The following CPA6 variants were observed in gnomAD, a reference collection of about 807,000 sequenced individuals.
CPA6 encodes carboxypeptidase B.
A neutral mutation model predicts 63.3 loss-of-function variants in CPA6; 58 were observed. The ratio of observed to expected loss-of-function variants is 0.92; its 90% CI spans 0.74 to 1.14. CPA6 has a LOEUF of 1.14. Ranked by LOEUF, CPA6 falls within the 50% of genes most tolerant of loss-of-function variation. The pLI, the probability that CPA6 is intolerant of heterozygous loss-of-function variation, is 0.00. For missense variants in CPA6, 565 were observed against 526.6 expected (o/e 1.07, Z -0.71); for synonymous variants, 185 against 179.0 (o/e 1.03, Z -0.27).
intron 1 of CPA6, among the ~76,000 whole-genome samples, chr8:67,708,118 T>C (rs1817176384): frequency 6.6e-6 from 1 of 152,176 alleles, no homozygotes. Context: ...TACAGGTTTT[T>C]GATGGCACAA....
chr8:67,595,791 C>A (rs372859788), intron 2 of CPA6, among the ~76,000 whole-genome samples: 107 of 152,320 alleles, frequency 7.0e-4, no homozygotes, highest in African/African-American at 2.1e-3. Flanking sequence ...TCTGTCACCC[C>A]TTTCCTTGAC....
intron 2 of CPA6, among the ~76,000 whole-genome samples, chr8:67,556,350 C>T (rs1280743514): frequency 6.6e-6 from 1 of 152,142 alleles, no homozygotes; most frequent in Non-Finnish European, 1.5e-5. Context: ...TGTCTCACTG[C>T]CTCCACCTCC....
At chr8:67,688,513 T>C (rs1039778828) in intron 1 of CPA6, among the ~76,000 whole-genome samples, 2 of 152,146 alleles carry the variant, frequency 1.3e-5, no homozygotes, top group African/African-American at 4.8e-5. Flanking sequence ...CCTCACAAAA[T>C]CCTAGCTGCC....
At position 67,430,651 on chromosome 8, in the gene CPA6, C is replaced by T. The variant is rs1008585194; in HGVS notation, c.1042-2520G>A. On this transcript the variant is annotated intron_variant, in intron 9 of 10. Coordinates refer to ENST00000297770, the MANE Select transcript of CPA6 (RefSeq NM_020361.5). ...TTTTAGTGACCAAGCTTATGATTAA[C>T]ACTCTCCAGGATTTCTCAACAATGG... Among the ~76,000 whole-genome samples, 4 of 152,096 alleles carry T rather than the reference C, an allele frequency of 2.6e-5. No individual in the cohort carries two copies. The East Asian group carries it at 7.7e-4, about 29-fold the overall frequency.
At position 67,701,528 on chromosome 8, in the gene CPA6, G is replaced by T. The variant is rs140392315; in HGVS notation, c.116+44486C>A. On this transcript the variant is annotated intron_variant, in intron 1 of 10. Coordinates refer to ENST00000297770, the MANE Select transcript of CPA6 (RefSeq NM_020361.5). ...CTTTAGAGAACAAAAGTACACAACC[G>T]TCCCACATGATGATTTAATGAAAGT... Among the ~76,000 whole-genome samples the T allele has an allele frequency of 2.0e-3, 301 of 152,238 alleles. 3 individuals carry two copies. Among genetic ancestry groups the T allele is most frequent in the South Asian group, 0.012 (56 of 4,826 alleles).
intron 6 of CPA6, among the ~76,000 whole-genome samples, chr8:67,496,662 G>A (rs1446007707): frequency 6.6e-6 from 1 of 150,874 alleles, no homozygotes; most frequent in Admixed American, 6.6e-5. Context: ...CCCGGTTCAA[G>A]CGATTCTCCT....
intron 1 of CPA6, among the ~76,000 whole-genome samples, chr8:67,742,402 G>A (rs1817930046): frequency 6.6e-6 from 1 of 152,152 alleles, no homozygotes; most frequent in East Asian, 1.9e-4. Flanking sequence ...AAGTGGCAGA[G>A]TGAGAAGTAC....
chr8:67,455,376 G>C (rs984060031), intron 8 of CPA6, among the ~76,000 whole-genome samples: 4 of 151,956 alleles, frequency 2.6e-5, no homozygotes, highest in Non-Finnish European at 5.9e-5. Context: ...TCTCACAGTA[G>C]TTTGTTACAT....
At chr8:67,565,170 CTT>C (rs1363926538) in intron 2 of CPA6, among the ~76,000 whole-genome samples, 2 of 60,688 alleles carry the variant, frequency 3.3e-5, no homozygotes, top group Non-Finnish European at 5.7e-5. Flanking sequence ...CTTTTTCTTT[CTT>C]TTTTTTTTTT....
chr8:67,736,852 G>T (rs546057439), intron 1 of CPA6, among the ~76,000 whole-genome samples: 1 of 152,290 alleles, frequency 6.6e-6, no homozygotes, highest in Non-Finnish European at 1.5e-5. Context: ...CTACTTACCT[G>T]ATTCTGAGAT....
At chr8:67,631,869 G>T (rs562245763) in intron 1 of CPA6, among the ~76,000 whole-genome samples, 2 of 151,850 alleles carry the variant, frequency 1.3e-5, no homozygotes, top group Admixed American at 1.3e-4. Flanking sequence ...AACACTCACC[G>T]CAAAGGTCTG....
At chr8:67,475,812 TC>T (rs1811177969) in intron 8 of CPA6, among the ~76,000 whole-genome samples, 2 of 72,408 alleles carry the variant, frequency 2.8e-5, no homozygotes, top group African/African-American at 1.7e-4. Flanking sequence ...TTTCTTTCTT[TC>T]TTTCCTTTCT....
At chr8:67,595,193 C>T (rs142621334) in intron 2 of CPA6, among the ~76,000 whole-genome samples, 1,989 of 152,272 alleles carry the variant, frequency 0.013, 12 homozygotes, top group African/African-American at 0.022. Flanking sequence ...TGCAGAACTG[C>T]GGATTTTCGT....
intron 1 of CPA6, among the ~76,000 whole-genome samples, chr8:67,667,731 C>T (rs1461923826): frequency 6.6e-6 from 1 of 152,190 alleles, no homozygotes; most frequent in Non-Finnish European, 1.5e-5. Flanking sequence ...TTAATCTCAA[C>T]TGAATACAAG....
rs1270531070 is a variant in CPA6, at chr8:67,430,169, G to GTA, written c.1042-2039_1042-2038insTA. ...TGTGTGTGTGTGTGTGTGTGTGTGT[G>GTA]TGTATATATTTTGTTTTTTTTTTTT... is the stretch of plus-strand genomic sequence containing the variant. On this transcript the variant is annotated intron_variant, in intron 9 of 10. Transcript: ENST00000297770. Among the ~76,000 whole-genome samples, 111 of 118,522 alleles carry GTA rather than the reference G, an allele frequency of 9.4e-4. 1 individual carries two copies. Among genetic ancestry groups the GTA allele is most frequent in the African/African-American group, 4.5e-3 (104 of 23,318 alleles). 77.8% of individuals were successfully genotyped at this position (118,522 alleles called of 152,430 possible). A position where few individuals can be genotyped will look rare whatever the true frequency, so the allele number is the denominator to read the frequency against.
chr8:67,426,071 C>T (rs1018249430), intron 10 of CPA6, among the ~76,000 whole-genome samples: 1 of 151,692 alleles, frequency 6.6e-6, no homozygotes, highest in Non-Finnish European at 1.5e-5. Flanking sequence ...CTGATTCAAG[C>T]GATTCTCCTG....
chr8:67,536,456 C>A (rs1007674282), intron 2 of CPA6, among the ~76,000 whole-genome samples: 2 of 152,154 alleles, frequency 1.3e-5, no homozygotes, highest in Non-Finnish European at 2.9e-5. Flanking sequence ...CTCTTTGTAG[C>A]AATTGTGAAT....
At chr8:67,706,972 A>G (rs1179317022) in intron 1 of CPA6, among the ~76,000 whole-genome samples, 1 of 152,208 alleles carries the variant, frequency 6.6e-6, no homozygotes. Context: ...ATAATTTAGT[A>G]TATGTTATCA....
chr8:67,525,727 CA>C (rs1812346623), intron 2 of CPA6, among the ~76,000 whole-genome samples: 1 of 152,164 alleles, frequency 6.6e-6, no homozygotes, highest in African/African-American at 2.4e-5. Flanking sequence ...GCCCATCAAT[CA>C]AAGACTGTCA....
Sources: allele counts gnomAD v4.1 joint callset (sites outside exome capture counted in the v4.1 genomes callset), GRCh38; gene constraint gnomAD v4.1.1; transcripts MANE v1.5; gene names NCBI Gene and HGNC (gene_info 2026-07-23, HGNC 2026-07-21).